CSMD1: variants seen among roughly 807,000 people sequenced by gnomAD.
The protein encoded by CSMD1 is CUB and Sushi multiple domains 1, also known as CUB and sushi domain-containing protein 1.
In CSMD1, 213 loss-of-function variants were observed where a neutral mutation model predicts 417.5. The ratio of observed to expected loss-of-function variants is 0.51; its 90% CI spans 0.46 to 0.57. The LOEUF is 0.57. Among genes scored for constraint, CSMD1 ranks in the 20% least tolerant of loss-of-function variants. CSMD1 has a pLI of 0.00. For synonymous variants in CSMD1, 2,862 were observed against 1,736.8 expected (o/e 1.65, Z -16.11); for missense variants, 6,923 against 4,529.7 (o/e 1.53, Z -15.17).
At chr8:3,617,542 A>C (rs1039026760) in intron 7 of CSMD1, among the ~76,000 whole-genome samples, 1 of 152,184 alleles carries the variant, frequency 6.6e-6, no homozygotes, top group Non-Finnish European at 1.5e-5. Context: ...TGTGAGGGGA[A>C]GTCCACAGGA....
intron 5 of CSMD1, among the ~76,000 whole-genome samples, chr8:3,920,349 G>A (rs1306111678): frequency 1.4e-5 from 2 of 147,564 alleles, no homozygotes; most frequent in East Asian, 1.9e-4. Flanking sequence ...TTTCTAAGAT[G>A]CGTGTGTGTT....
At chr8:3,331,476 A>G (rs1481364583) in intron 23 of CSMD1, among the ~76,000 whole-genome samples, 2 of 152,198 alleles carry the variant, frequency 1.3e-5, no homozygotes, top group Non-Finnish European at 2.9e-5. Flanking sequence ...TTTGGATTAT[A>G]CTAACAGGGT....
chr8:3,238,181 G>A (rs1563172319), intron 26 of CSMD1, among the ~76,000 whole-genome samples: 1 of 151,956 alleles, frequency 6.6e-6, no homozygotes, highest in Non-Finnish European at 1.5e-5. Context: ...TCTCTGGTGG[G>A]CAGGTGTGGG....
At chr8:4,210,253 C>T (rs1043008738) in intron 3 of CSMD1, among the ~76,000 whole-genome samples, 2 of 152,218 alleles carry the variant, frequency 1.3e-5, no homozygotes, top group African/African-American at 2.4e-5. Flanking sequence ...GGGCAGAGGA[C>T]TGCTCTTTGT....
At chr8:3,430,142 C>T (rs139604062) in intron 12 of CSMD1, among the ~76,000 whole-genome samples, 32 of 152,204 alleles carry the variant, frequency 2.1e-4, no homozygotes, top group Non-Finnish European at 3.8e-4. Context: ...TACATACAAA[C>T]ATATGAATAT....
At chr8:4,735,764 T>G (rs1810194082) in intron 1 of CSMD1, among the ~76,000 whole-genome samples, 1 of 152,160 alleles carries the variant, frequency 6.6e-6, no homozygotes, top group Non-Finnish European at 1.5e-5. Context: ...TTCCTAGTTG[T>G]CAGCCGAGGA....
intron 10 of CSMD1, among the ~76,000 whole-genome samples, chr8:3,534,640 G>A (rs1798116453): frequency 6.6e-6 from 1 of 152,128 alleles, no homozygotes; most frequent in Admixed American, 6.5e-5. Context: ...GGTATCTTGG[G>A]AATGCCATTT....
At chr8:4,863,419 T>C (rs769116356) in intron 1 of CSMD1, among the ~76,000 whole-genome samples, 2 of 152,100 alleles carry the variant, frequency 1.3e-5, no homozygotes, top group Non-Finnish European at 2.9e-5. Flanking sequence ...CCCATGAGAC[T>C]CAATAGACCA....
At chr8:3,292,131 G>C (rs368992501) in intron 25 of CSMD1, among the ~76,000 whole-genome samples, 2 of 152,160 alleles carry the variant, frequency 1.3e-5, no homozygotes, top group Admixed American at 6.5e-5. Flanking sequence ...ATATAGTTGA[G>C]CAGTGTTGAA....
chr8:4,121,197 C>G (rs1403171820), intron 3 of CSMD1, among the ~76,000 whole-genome samples: 1 of 152,052 alleles, frequency 6.6e-6, no homozygotes, highest in Non-Finnish European at 1.5e-5. Flanking sequence ...TCACAGCAAC[C>G]TCTGCCTCTC....
intron 3 of CSMD1, among the ~76,000 whole-genome samples, chr8:4,060,338 T>C (rs1798907367): frequency 6.6e-6 from 1 of 152,180 alleles, no homozygotes. Flanking sequence ...GCCGATATCA[T>C]ACTGAATGGG....
At chr8:3,889,653 T>G (rs1405463167) in intron 5 of CSMD1, among the ~76,000 whole-genome samples, 2 of 151,226 alleles carry the variant, frequency 1.3e-5, no homozygotes, top group Admixed American at 1.3e-4. Flanking sequence ...TACTGGAAGT[T>G]GGTCCTATCT....
intron 3 of CSMD1, among the ~76,000 whole-genome samples, chr8:4,212,776 T>TTTTTTTTC (rs1563282662): frequency 9.4e-6 from 1 of 105,850 alleles, no homozygotes; most frequent in African/African-American, 3.4e-5. Flanking sequence ...TTTTTTTTTT[T>TTTTTTTTC]ACAAGCTATT....
intron 2 of CSMD1, among the ~76,000 whole-genome samples, chr8:4,504,838 T>C (rs181948562): frequency 6.6e-6 from 1 of 152,340 alleles, no homozygotes; most frequent in East Asian, 1.9e-4. Context: ...CTGCATAGTA[T>C]TCCATGATAT....
At chr8:4,157,786 G>C (rs1042088949) in intron 3 of CSMD1, among the ~76,000 whole-genome samples, 3 of 152,176 alleles carry the variant, frequency 2.0e-5, no homozygotes, top group African/African-American at 7.2e-5. Flanking sequence ...TCACAGCTGG[G>C]TGAACTTGCC....
chr8:4,102,308 T>G (rs1801345868), intron 3 of CSMD1, among the ~76,000 whole-genome samples: 1 of 152,204 alleles, frequency 6.6e-6, no homozygotes, highest in Non-Finnish European at 1.5e-5. Flanking sequence ...GATCTTAGCT[T>G]TTTCTATTAA....
intron 2 of CSMD1, among the ~76,000 whole-genome samples, chr8:4,569,054 C>A (rs923168015): frequency 4.6e-5 from 7 of 152,032 alleles, no homozygotes; most frequent in Non-Finnish European, 8.8e-5. Flanking sequence ...AAATTTTCTC[C>A]CATTCTGTAG....
chr8:3,143,660 C>G (rs75374249), intron 40 of CSMD1, among the ~76,000 whole-genome samples: 6,043 of 152,218 alleles, frequency 0.04, 405 homozygotes, highest in African/African-American at 0.14. Flanking sequence ...AAAACCTAAA[C>G]TGAGCCAACT....
chr8:3,529,259 G>C (rs905934496), intron 10 of CSMD1, among the ~76,000 whole-genome samples: 6 of 152,180 alleles, frequency 3.9e-5, no homozygotes, highest in East Asian at 1.9e-4. Flanking sequence ...TTCAATGCAA[G>C]TTCTTTTCCA....
Sources: allele counts gnomAD v4.1 joint callset (sites outside exome capture counted in the v4.1 genomes callset), GRCh38; gene constraint gnomAD v4.1.1; transcripts MANE v1.5; gene names NCBI Gene and HGNC (gene_info 2026-07-23, HGNC 2026-07-21).